GLB1: variants seen among roughly 807,000 people sequenced by gnomAD.
GLB1 encodes the protein galactosidase beta 1, also known as beta-galactosidase.
A neutral mutation model predicts 74.0 loss-of-function variants in GLB1; 56 were observed. The ratio of observed to expected loss-of-function variants is 0.76; its 90% CI spans 0.61 to 0.94. GLB1 has a LOEUF of 0.94. Ranked by LOEUF, GLB1 falls within the 40% of genes least tolerant of loss-of-function variation. GLB1 has a pLI of 0.00. For synonymous variants in GLB1, 323 were observed against 323.6 expected, an observed-to-expected ratio of 1.00 and a Z score of 0.02; for missense variants, 787 against 845.5, an observed-to-expected ratio of 0.93 and a Z score of 0.86.
At chr3:33,000,241 A>C (rs573200870) in intron 15 of GLB1, among the ~76,000 whole-genome samples, 4 of 152,124 alleles carry the variant, frequency 2.6e-5, no homozygotes, top group South Asian at 4.2e-4. Context: ...TCGCCTGGCC[A>C]TGCACATGTT....
chr3:33,054,076 C>G (rs554802281), intron 6 of GLB1, among the ~76,000 whole-genome samples: 6 of 152,096 alleles, frequency 3.9e-5, no homozygotes, highest in African/African-American at 1.4e-4. Context: ...CTCAACGGAG[C>G]TTCCTGACCA....
At chr3:33,026,572 AG>A (rs1269435372) in intron 10 of GLB1, among the ~76,000 whole-genome samples, 1 of 152,138 alleles carries the variant, frequency 6.6e-6, no homozygotes, top group Non-Finnish European at 1.5e-5. Context: ...TCGGGCCACT[AG>A]TCTCATGGAC....
At chr3:33,048,902 ATTAAGATGAGGCTAATAT>A (rs1698855488) in intron 9 of GLB1, among the ~76,000 whole-genome samples, 2 of 152,138 alleles carry the variant, frequency 1.3e-5, no homozygotes, top group Non-Finnish European at 2.9e-5. Context: ...ATAATCTCTA[ATTAAGATGAGGCTAATAT>A]GCAGGCTAAA....
chr3:33,068,337 T>C (rs1302721585), intron 3 of GLB1, 47 bp from the exon 4 acceptor site: 1 of 1,611,496 alleles, frequency 6.2e-7, no homozygotes, highest in East Asian at 2.2e-5. Context: ...CCGTGAAGGG[T>C]GCTCAGAGGA....
intron 15 of GLB1, among the ~76,000 whole-genome samples, chr3:33,000,172 C>T (rs1037058699): frequency 6.6e-5 from 10 of 152,042 alleles, no homozygotes; most frequent in African/African-American, 2.4e-4. Flanking sequence ...CTCCTGGTCT[C>T]AAGTGATCCT....
chr3:33,046,341 T>A, intron 9 of GLB1, 109 bp from the exon 10 acceptor site: 2 of 1,281,834 alleles, frequency 1.6e-6, no homozygotes, highest in South Asian at 1.3e-5. Flanking sequence ...AGAAGACACA[T>A]TAAAACCACT....
intron 1 of GLB1, among the ~76,000 whole-genome samples, chr3:33,074,369 G>GA (rs1559412870): frequency 2.4e-3 from 16 of 6,536 alleles, no homozygotes; most frequent in Admixed American, 4.0e-3. Flanking sequence ...AGGAAGGAAG[G>GA]AAGGAAGGAA....
the GLB1 span, among the ~76,000 whole-genome samples, chr3:32,984,622 T>C: frequency 6.6e-6 from 1 of 150,932 alleles, no homozygotes. Flanking sequence ...CATTAAAAAT[T>C]TAAAAAATTA....
At chr3:33,052,715 G>GGCTT (rs1559401894) in intron 7 of GLB1, 1 of 153,240 alleles carries the variant, frequency 6.5e-6, no homozygotes, top group Admixed American at 6.5e-5. Flanking sequence ...TAACGAGGAA[G>GGCTT]GCTTGTCCCA....
At chr3:33,069,595 T>C (rs1041436454) in intron 2 of GLB1, among the ~76,000 whole-genome samples, 4 of 152,196 alleles carry the variant, frequency 2.6e-5, no homozygotes, top group African/African-American at 9.7e-5. Context: ...TTGTAGATTA[T>C]TGCCTGAGAG....
At chr3:33,011,848 T>A (rs1697043085) in intron 15 of GLB1, among the ~76,000 whole-genome samples, 2 of 152,204 alleles carry the variant, frequency 1.3e-5, no homozygotes, top group Admixed American at 1.3e-4. Flanking sequence ...TATATTCAAG[T>A]ATTCCTGTTC....
chr3:33,063,446 G>C (rs1699533929), intron 5 of GLB1, among the ~76,000 whole-genome samples: 1 of 152,004 alleles, frequency 6.6e-6, no homozygotes, highest in Admixed American at 6.6e-5. Flanking sequence ...GGAGGAGGAG[G>C]GGGACAGAGT....
At chr3:33,046,770 G>A (rs1246433268) in intron 9 of GLB1, among the ~76,000 whole-genome samples, 1 of 152,176 alleles carries the variant, frequency 6.6e-6, no homozygotes, top group Non-Finnish European at 1.5e-5. Context: ...AGCCACAGAG[G>A]TTCAAACATA....
At position 32,996,721 on chromosome 3, in the gene GLB1, G is replaced by C; in HGVS notation, c.*324C>G. ...TCAATACCTGCACATTAAAAACAGT[G>C]ACATCATCATTTGAGTACAAATTTT... On this transcript the variant is annotated 3_prime_UTR_variant, in exon 16 of 16. Transcript: ENST00000307363. 2.7e-6 allele frequency: 1 copy of C among 368,608 alleles called. No individual in the cohort carries two copies. Among genetic ancestry groups the C allele is most frequent in the Non-Finnish European group, 5.2e-6 (1 of 193,404 alleles). The allele number at this position is 368,608 out of a possible 1,614,324, so 22.8% of individuals were successfully genotyped here. A position where few individuals can be genotyped will look rare whatever the true frequency, so the allele number is the denominator to read the frequency against.
the GLB1 span, among the ~76,000 whole-genome samples, chr3:32,978,388 CAA>C: frequency 7.9e-3 from 1,188 of 149,604 alleles, 17 homozygotes; most frequent in African/African-American, 0.027. Flanking sequence ...AATTAAAAAA[CAA>C]AAAAAAAAAC....
chr3:33,082,886 G>C (rs1700372969), intron 1 of GLB1, among the ~76,000 whole-genome samples: 1 of 152,102 alleles, frequency 6.6e-6, no homozygotes, highest in South Asian at 2.1e-4. Context: ...CAAAAACCTA[G>C]AAAAGCCACA....
intron 1 of GLB1, among the ~76,000 whole-genome samples, chr3:33,095,756 T>C (rs914929193): frequency 1.3e-5 from 2 of 152,128 alleles, no homozygotes. Flanking sequence ...GCCTTTCCCC[T>C]AGCCCCTTAC....
chr3:32,965,778 T>A, the GLB1 span, among the ~76,000 whole-genome samples: 14 of 152,314 alleles, frequency 9.2e-5, no homozygotes, highest in African/African-American at 3.1e-4. Context: ...AGGGCCCCCC[T>A]GCAGTGTACA....
chr3:32,996,841 T>C lies in GLB1; in HGVS notation c.*204A>G. ...CCCTGCAGATATGTATGCACGTTAC[T>C]GTGCTGTCAGCCCCTCACACATTCC... On this transcript the variant is annotated 3_prime_UTR_variant, in exon 16 of 16. Coordinates refer to ENST00000307363, the MANE Select transcript of GLB1 (RefSeq NM_000404.4). 2.5e-6 allele frequency: 2 copies of C among 814,016 alleles called. No individual in the cohort carries two copies. The highest frequency in any genetic ancestry group is 2.6e-5 in the Admixed American group (1 of 38,028). 50.4% of individuals were successfully genotyped at this position (814,016 alleles called of 1,614,324 possible).
Sources: allele counts gnomAD v4.1 joint callset (sites outside exome capture counted in the v4.1 genomes callset), GRCh38; gene constraint gnomAD v4.1.1; transcripts MANE v1.5; gene names NCBI Gene and HGNC (gene_info 2026-07-23, HGNC 2026-07-21).